Variants in RAI14 observed in about 807,000 individuals in gnomAD.
RAI14 encodes the protein ankycorbin.
RAI14 carries 45 observed loss-of-function variants against 115.4 expected under a neutral mutation model. The ratio of observed to expected loss-of-function variants is 0.39; its 90% CI spans 0.31 to 0.50. The LOEUF (loss-of-function observed/expected upper bound fraction) is 0.50. Among genes scored for constraint, RAI14 ranks in the 20% least tolerant of loss-of-function variants. RAI14 has a pLI of 0.85. For synonymous variants in RAI14, 371 were observed against 415.4 expected (o/e 0.89, Z 1.30); for missense variants, 939 against 1,131.2 (o/e 0.83, Z 2.44).
rs1183723039 is a variant in RAI14, at chr5:34,729,555, A to G, written c.37-27913A>G. ...AAGTACGCGCTACCTTCTATGAAGTATTTATTGTTGCCAAAATATTCAACT... is the reference window on the plus strand; with the variant it reads ...AAGTACGCGCTACCTTCTATGAAGTGTTTATTGTTGCCAAAATATTCAACT... On this transcript the variant is annotated intron_variant, in intron 2 of 17. Coordinates refer to ENST00000265109, the MANE Select transcript of RAI14 (RefSeq NM_015577.3). Among the ~76,000 whole-genome samples, 5 of 152,348 alleles carry G rather than the reference A, an allele frequency of 3.3e-5. No individual in the cohort carries two copies. The East Asian group carries it at 7.7e-4, about 23-fold the overall frequency.
At position 34,811,074 on chromosome 5, in the gene RAI14, C is replaced by T. The variant is rs1200998859; in HGVS notation, c.513C>T (p.Leu171=). The T allele has an allele frequency of 1.2e-6, 2 of 1,614,114 alleles. No homozygotes were observed. Among genetic ancestry groups the T allele is most frequent in the Non-Finnish European group, 1.7e-6 (2 of 1,180,014 alleles). The part of the protein sequence containing the change: ...QNGHSEICHF[L]LDHGADVNSR... ...GTCACAGTGAGATCTGTCACTTTCT[C>T]CTGGATCATGGAGCAGATGTCAATT... is the stretch of plus-strand genomic sequence containing the variant. The change falls in exon 8 of 18, where the codon CTC becomes CTT. Residue 171 remains leucine (L), a synonymous_variant. Coordinates refer to ENST00000265109, the MANE Select transcript of RAI14 (RefSeq NM_015577.3).
chr5:34,817,927 C>T (rs1197100300), intron 12 of RAI14, among the ~76,000 whole-genome samples: 1 of 152,164 alleles, frequency 6.6e-6, no homozygotes, highest in Non-Finnish European at 1.5e-5. Context: ...GTCAAAAACT[C>T]TTCAAATTGT....
chr5:34,688,114 C>T (rs1229312410), intron 2 of RAI14: 1 of 1,404,522 alleles, frequency 7.1e-7, no homozygotes, highest in Non-Finnish European at 9.5e-7. Context: ...TCGACAAAGA[C>T]AGAAAACTAG....
At chr5:34,703,560 G>A (rs1019695819) in intron 2 of RAI14, among the ~76,000 whole-genome samples, 1 of 152,192 alleles carries the variant, frequency 6.6e-6, no homozygotes, top group Non-Finnish European at 1.5e-5. Context: ...AAACAAGGGT[G>A]AGAAGTCTCC....
intron 2 of RAI14, among the ~76,000 whole-genome samples, chr5:34,752,749 G>GTGTGTGTGTGTGTGTGTA (rs371462831): frequency 1.9e-5 from 2 of 107,058 alleles, no homozygotes; most frequent in Non-Finnish European, 3.6e-5. Context: ...GTGTGTGTGT[G>GTGTGTGTGTGTGTGTGTA]TATATATATA....
In RAI14 at chr5:34,696,096, G is replaced by A. The variant is rs146112395; in HGVS notation, c.36+9141G>A. 1.2e-4 allele frequency among the ~76,000 whole-genome samples: 19 copies of A among 152,092 alleles called. No individual in the cohort carries two copies. The East Asian group carries it at 2.1e-3, about 17-fold the overall frequency. ...TGGCATCCCAAAGTTCTAGGATTACGGGAGTGAGCCACCACACCCATCTAG... is the reference window on the plus strand; with the variant it reads ...TGGCATCCCAAAGTTCTAGGATTACAGGAGTGAGCCACCACACCCATCTAG... On this transcript the variant is annotated intron_variant, in intron 2 of 17. Coordinates refer to ENST00000265109, the MANE Select transcript of RAI14 (RefSeq NM_015577.3).
At chr5:34,686,771 G>A (rs140621198) in intron 1 of RAI14, 101 bp from the exon 2 acceptor site, 1 of 586,560 alleles carries the variant, frequency 1.7e-6, no homozygotes. Context: ...CCTTCCCAAC[G>A]CAACCCTGCT....
chr5:34,803,565 AAAAAAC>A lies in RAI14; in HGVS notation c.257-143_257-138del, dbSNP rs1229051579. The A allele has an allele frequency of 2.1e-5, 14 of 671,764 alleles. 1 individual carries two copies. The African/African-American group carries it at 2.8e-4, about 13-fold the overall frequency. The allele number at this position is 671,764 out of a possible 1,614,324, so 41.6% of individuals were successfully genotyped here. A position where few individuals can be genotyped will look rare whatever the true frequency, so the allele number is the denominator to read the frequency against. Reference sequence around the variant, plus strand: ...GAGTGAGACCCTGTCTCAAAAAACAAAAAAACAAACAAACAAAAAAACACAGTTCCG... The same window carrying A: ...GAGTGAGACCCTGTCTCAAAAAACAAAAACAAACAAAAAAACACAGTTCCG... On this transcript the variant is annotated intron_variant, in intron 4 of 17. Transcript: ENST00000265109.
chr5:34,802,783 G>C (rs1256071889), intron 4 of RAI14, among the ~76,000 whole-genome samples: 2 of 152,188 alleles, frequency 1.3e-5, no homozygotes, highest in African/African-American at 4.8e-5. Context: ...GCAGGGAGTG[G>C]GGGTAAAAGA....
At chr5:34,694,840 G>A (rs1739026739) in intron 2 of RAI14, among the ~76,000 whole-genome samples, 1 of 152,178 alleles carries the variant, frequency 6.6e-6, no homozygotes, top group African/African-American at 2.4e-5. Flanking sequence ...TTAGGCTATG[G>A]TTTTGGAAGG....
intron 11 of RAI14, among the ~76,000 whole-genome samples, chr5:34,814,122 T>C (rs906115505): frequency 6.6e-6 from 1 of 152,202 alleles, no homozygotes; most frequent in African/African-American, 2.4e-5. Context: ...TAAAAGTAGT[T>C]TTCATTTCTG....
intron 2 of RAI14, among the ~76,000 whole-genome samples, chr5:34,728,343 T>C (rs781486543): frequency 5.8e-4 from 89 of 152,256 alleles, no homozygotes; most frequent in Admixed American, 1.7e-3. Context: ...TGATTGGTTT[T>C]GAAATGTGAG....
chr5:34,709,493 C>T (rs1741135706), intron 2 of RAI14, among the ~76,000 whole-genome samples: 1 of 152,282 alleles, frequency 6.6e-6, no homozygotes, highest in African/African-American at 2.4e-5. Context: ...TTTCAAAAGT[C>T]TGTAGCTACT....
chr5:34,692,336 T>C (rs2149899788), intron 2 of RAI14, among the ~76,000 whole-genome samples: 1 of 152,132 alleles, frequency 6.6e-6, no homozygotes, highest in Non-Finnish European at 1.5e-5. Flanking sequence ...CGTATTTTTT[T>C]CAAGGAGTTT....
At chr5:34,762,279 A>G (rs1748753995) in intron 3 of RAI14, among the ~76,000 whole-genome samples, 2 of 152,170 alleles carry the variant, frequency 1.3e-5, no homozygotes, top group South Asian at 4.1e-4. Flanking sequence ...CTTCCACGGC[A>G]ATTTAAATAG....
At chr5:34,718,250 G>A (rs372649313) in intron 2 of RAI14, among the ~76,000 whole-genome samples, 1 of 152,190 alleles carries the variant, frequency 6.6e-6, no homozygotes, top group African/African-American at 2.4e-5. Flanking sequence ...CAACTCTTGT[G>A]TTTTCTTGTG....
chr5:34,773,357 T>C (rs1750429860), intron 3 of RAI14, among the ~76,000 whole-genome samples: 1 of 152,160 alleles, frequency 6.6e-6, no homozygotes, highest in East Asian at 1.9e-4. Flanking sequence ...TAGGCAAAGA[T>C]TTCATTGCTA....
intron 2 of RAI14, among the ~76,000 whole-genome samples, chr5:34,699,595 C>A (rs1298951966): frequency 2.6e-5 from 4 of 152,168 alleles, no homozygotes; most frequent in African/African-American, 9.7e-5. Context: ...CAGCTGCAGT[C>A]CCCCTATTTC....
intron 2 of RAI14, among the ~76,000 whole-genome samples, chr5:34,748,772 G>A (rs1394441915): frequency 2.0e-5 from 3 of 151,116 alleles, no homozygotes; most frequent in African/African-American, 7.3e-5. Flanking sequence ...GATCAGCCTG[G>A]GCAACCTAGG....
Sources: gnomAD v4.1 joint callset for allele counts (sites outside exome capture counted in the v4.1 genomes callset) on GRCh38, gnomAD v4.1.1 for gene constraint, MANE v1.5 for transcripts, NCBI Gene and HGNC (gene_info 2026-07-23, HGNC 2026-07-21) for gene names.